Variants in BRAF observed in about 807,000 individuals in gnomAD.
BRAF encodes B-Raf proto-oncogene, serine/threonine kinase.
A neutral mutation model predicts 104.6 loss-of-function variants in BRAF; 16 were observed. The ratio of observed to expected loss-of-function variants is 0.15; its 90% CI spans 0.10 to 0.23. The LOEUF (loss-of-function observed/expected upper bound fraction) is 0.23. BRAF is among the 10% of genes least tolerant of loss of function. BRAF has a pLI of 1.00. For synonymous variants in BRAF, 310 were observed against 341.6 expected (o/e 0.91, Z 1.02); for missense variants, 541 against 937.3 (o/e 0.58, Z 5.52).
chr7:140,745,676 C>T (rs907873448), intron 17 of BRAF, among the ~76,000 whole-genome samples: 2 of 152,132 alleles, frequency 1.3e-5, no homozygotes, highest in Admixed American at 6.5e-5. Context: ...TCAGTATCAC[C>T]CCCAGCACGG....
intron 3 of BRAF, among the ~76,000 whole-genome samples, chr7:140,832,438 A>G (rs969268834): frequency 3.3e-5 from 5 of 152,242 alleles, no homozygotes; most frequent in African/African-American, 1.2e-4. Flanking sequence ...CAAATGCTCA[A>G]ATAGTAACTG....
At chr7:140,757,747 AAGG>A (rs1259008306) in intron 14 of BRAF, among the ~76,000 whole-genome samples, 1 of 152,202 alleles carries the variant, frequency 6.6e-6, no homozygotes, top group Admixed American at 6.5e-5. Flanking sequence ...GAGCTGAAAA[AAGG>A]AGATTTTTAA....
At chr7:140,914,402 G>A (rs1817348113) in intron 1 of BRAF, among the ~76,000 whole-genome samples, 1 of 152,184 alleles carries the variant, frequency 6.6e-6, no homozygotes, top group Non-Finnish European at 1.5e-5. Flanking sequence ...AAGAATATGA[G>A]TGGAATATCA....
chr7:140,827,713 T>G (rs577541351), intron 3 of BRAF, among the ~76,000 whole-genome samples: 37 of 152,292 alleles, frequency 2.4e-4, no homozygotes, highest in Admixed American at 2.1e-3. Context: ...CTGGCCCACC[T>G]GAGGCCACGA....
intron 14 of BRAF, among the ~76,000 whole-genome samples, chr7:140,759,647 A>G (rs1798501777): frequency 6.6e-6 from 1 of 152,208 alleles, no homozygotes; most frequent in African/African-American, 2.4e-5. Context: ...TGGCCTCCCA[A>G]ACTGCTGGGA....
intron 2 of BRAF, among the ~76,000 whole-genome samples, chr7:140,836,586 C>T (rs1334746038): frequency 6.6e-6 from 1 of 152,116 alleles, no homozygotes; most frequent in East Asian, 1.9e-4. Context: ...CTACCCAGAC[C>T]CTGTTTCATA....
intron 1 of BRAF, among the ~76,000 whole-genome samples, chr7:140,902,109 G>A (rs1358679842): frequency 6.6e-6 from 1 of 152,144 alleles, no homozygotes; most frequent in East Asian, 1.9e-4. Flanking sequence ...CAAACTGAAG[G>A]TTGGTGGCAA....
Position 140,719,607 on chromosome 7 carries a change from A to T in BRAF, c.*6887T>A. The T allele has an allele frequency of 9.4e-7, 1 of 1,059,988 alleles. No homozygotes were observed. The highest frequency in any genetic ancestry group is 1.1e-6 in the Non-Finnish European group (1 of 875,408). The allele number at this position is 1,059,988 out of a possible 1,614,324, so 65.7% of individuals were successfully genotyped here. ...AGAACCAAAGTATCAGGAAGTGGGTATGGGGGAGAATTAAAAAAAATAATA... is the reference window on the plus strand; with the variant it reads ...AGAACCAAAGTATCAGGAAGTGGGTTTGGGGGAGAATTAAAAAAAATAATA... On this transcript the variant is annotated 3_prime_UTR_variant, in exon 20 of 20. Coordinates refer to ENST00000644969, the MANE Select transcript of BRAF (RefSeq NM_001374258.1).
intron 14 of BRAF, chr7:140,758,408 T>C (rs1391550946): frequency 6.6e-6 from 1 of 152,234 alleles, no homozygotes; most frequent in African/African-American, 2.4e-5. Context: ...TTTAAAGTTA[T>C]GCTCCATAGT....
chr7:140,756,882 T>C (rs531625905), intron 14 of BRAF, among the ~76,000 whole-genome samples: 1 of 152,288 alleles, frequency 6.6e-6, no homozygotes, highest in African/African-American at 2.4e-5. Context: ...TCTGGTAAAA[T>C]TTCTTCTCAC....
chr7:140,722,566 C>A lies in BRAF; in HGVS notation c.*3928G>T. ...CCATCTCTGGCTATGGTGTTTATAG[C>A]CTAATGGTTGGAATCTGCTCGTCTC... is the stretch of plus-strand genomic sequence containing the variant. On this transcript the variant is annotated 3_prime_UTR_variant, in exon 20 of 20. Transcript: ENST00000644969. 9.5e-7 allele frequency: 1 copy of A among 1,055,952 alleles called. No individual in the cohort carries two copies. 65.4% of individuals were successfully genotyped at this position (1,055,952 alleles called of 1,614,324 possible).
At chr7:140,913,127 T>C (rs553387987) in intron 1 of BRAF, among the ~76,000 whole-genome samples, 3 of 152,310 alleles carry the variant, frequency 2.0e-5, no homozygotes, top group African/African-American at 7.2e-5. Flanking sequence ...CCTATTTAAA[T>C]TGCTACCTAC....
intron 1 of BRAF, among the ~76,000 whole-genome samples, chr7:140,855,752 G>C (rs2129078594): frequency 6.6e-6 from 1 of 151,982 alleles, no homozygotes; most frequent in East Asian, 1.9e-4. Context: ...ACGTACAATG[G>C]CTCATTCCTG....
chr7:140,719,413 T>C lies in BRAF; in HGVS notation c.*7081A>G. The C allele has an allele frequency of 9.9e-7, 1 of 1,006,248 alleles. No homozygotes were observed. Among genetic ancestry groups the C allele is most frequent in the African/African-American group, 1.7e-5 (1 of 58,662 alleles). The allele number at this position is 1,006,248 out of a possible 1,614,324, so 62.3% of individuals were successfully genotyped here. A position where few individuals can be genotyped will look rare whatever the true frequency, so the allele number is the denominator to read the frequency against. ...CATAGAACTTTTTTTGCCTTTTATA[T>C]AATACAGTTTTTAAATAACTTTACA... On this transcript the variant is annotated 3_prime_UTR_variant, in exon 20 of 20. Transcript: ENST00000644969.
In BRAF at chr7:140,924,485, C is replaced by T; in HGVS notation, c.138+81G>A. 6.6e-7 allele frequency: 1 copy of T among 1,525,608 alleles called. No individual in the cohort carries two copies. Among genetic ancestry groups the T allele is most frequent in the Non-Finnish European group, 8.8e-7 (1 of 1,140,736 alleles). 94.5% of individuals were successfully genotyped at this position (1,525,608 alleles called of 1,614,324 possible). A position where few individuals can be genotyped will look rare whatever the true frequency, so the allele number is the denominator to read the frequency against. The stretch of plus-strand genomic sequence containing the variant: ...GGTGGCTGAGGGCATCAAGCCCCCA[C>T]CGCCGCCTCTTTCCAAAATAAACAC... On this transcript the variant is annotated intron_variant, in intron 1 of 19. Transcript: ENST00000644969. The surrounding 1 kb of genome is among the most constrained non-coding windows in gnomAD (Gnocchi z 4.2).
At position 140,870,283 on chromosome 7, in the gene BRAF, G is replaced by T. The variant is rs531242720; in HGVS notation, c.139-20071C>A. ...AAAGTCTTACTCTGATTATTTTTAT[G>T]AAAAAATGAAGTTAATAATTCCTTA... On this transcript the variant is annotated intron_variant, in intron 1 of 19. Transcript: ENST00000644969. Among the ~76,000 whole-genome samples, 61 of 152,130 alleles carry T rather than the reference G, an allele frequency of 4.0e-4. 1 individual carries two copies. Among genetic ancestry groups the T allele is most frequent in the African/African-American group, 1.4e-3 (58 of 41,534 alleles).
intron 1 of BRAF, among the ~76,000 whole-genome samples, chr7:140,869,550 T>C (rs190766657): frequency 6.6e-6 from 1 of 151,866 alleles, no homozygotes; most frequent in African/African-American, 2.4e-5. Context: ...TGAGAATCAC[T>C]TGAACCTGGG....
At chr7:140,795,537 C>T (rs1057435747) in intron 7 of BRAF, among the ~76,000 whole-genome samples, 2 of 151,748 alleles carry the variant, frequency 1.3e-5, no homozygotes, top group African/African-American at 2.4e-5. Flanking sequence ...TTTTGTGAGA[C>T]GTGAGGAATG....
In BRAF at chr7:140,726,379, T is replaced by A; in HGVS notation, c.*115A>T. On this transcript the variant is annotated 3_prime_UTR_variant, in exon 20 of 20. Coordinates refer to ENST00000644969, the MANE Select transcript of BRAF (RefSeq NM_001374258.1). ...ATTCTGTTCCACATCAGCTTATGCA[T>A]TGGAAATTTTGTATCTTTAAAAAAA... The A allele has an allele frequency of 6.6e-7, 1 of 1,505,186 alleles. No individual in the cohort carries two copies. The highest frequency in any genetic ancestry group is 8.8e-7 in the Non-Finnish European group (1 of 1,134,798). The allele number at this position is 1,505,186 out of a possible 1,614,324, so 93.2% of individuals were successfully genotyped here.
Sources: gnomAD v4.1 joint callset for allele counts (sites outside exome capture counted in the v4.1 genomes callset) on GRCh38, gnomAD v4.1.1 for gene constraint, Gnocchi (gnomAD v3.1) non-coding constraint, MANE v1.5 for transcripts, NCBI Gene and HGNC (gene_info 2026-07-23, HGNC 2026-07-21) for gene names.